NXPH1: variants seen among roughly 807,000 people sequenced by gnomAD.
NXPH1 encodes the protein neurexophilin 1, also known as neurexophilin-1.
In NXPH1, 5 loss-of-function variants were observed where a neutral mutation model predicts 23.7. The observed-to-expected ratio is 0.21, with a 90% CI of 0.11 to 0.44. The LOEUF (loss-of-function observed/expected upper bound fraction) is 0.44. NXPH1 is among the 20% of genes least tolerant of loss of function. The pLI is 0.99. For missense variants in NXPH1, 324 were observed against 321.6 expected (o/e 1.01, Z -0.06); for synonymous variants, 144 against 122.2 (o/e 1.18, Z -1.18).
At chr7:8,656,704 C>T (rs1326688814) in intron 2 of NXPH1, among the ~76,000 whole-genome samples, 16 of 151,674 alleles carry the variant, frequency 1.1e-4, no homozygotes, top group Non-Finnish European at 1.9e-4. Flanking sequence ...TCCCCCCACC[C>T]CACAACAGTC....
At chr7:8,716,516 A>G (rs575930112) in intron 2 of NXPH1, among the ~76,000 whole-genome samples, 24 of 152,350 alleles carry the variant, frequency 1.6e-4, no homozygotes, top group African/African-American at 4.1e-4. Context: ...AATTTATTGT[A>G]TCAGACAGCA....
At chr7:8,492,274 C>G (rs1347042117) in intron 2 of NXPH1, among the ~76,000 whole-genome samples, 2 of 152,092 alleles carry the variant, frequency 1.3e-5, no homozygotes, top group South Asian at 4.1e-4. Flanking sequence ...CTTGCCTTAT[C>G]CATGATGTCA....
intron 2 of NXPH1, among the ~76,000 whole-genome samples, chr7:8,521,638 T>TA (rs2128615742): frequency 6.6e-6 from 1 of 152,264 alleles, no homozygotes; most frequent in African/African-American, 2.4e-5. Flanking sequence ...GAGTGAGAAA[T>TA]ACACTTTTGA....
chr7:8,458,887 T>C (rs1371069652), intron 2 of NXPH1, among the ~76,000 whole-genome samples: 1 of 152,162 alleles, frequency 6.6e-6, no homozygotes, highest in Non-Finnish European at 1.5e-5. Context: ...CACAACTGTT[T>C]GAAAAGATCC....
intron 2 of NXPH1, among the ~76,000 whole-genome samples, chr7:8,465,412 C>A (rs1816770838): frequency 6.6e-6 from 1 of 152,152 alleles, no homozygotes; most frequent in East Asian, 1.9e-4. Context: ...TAAGGCCTCT[C>A]ACCCCTGAAA....
chr7:8,686,061 A>C (rs1003584794), intron 2 of NXPH1, among the ~76,000 whole-genome samples: 13 of 152,140 alleles, frequency 8.5e-5, no homozygotes, highest in African/African-American at 3.1e-4. Context: ...ATATACCCAC[A>C]AAAATTAATT....
At chr7:8,678,029 CAGTGAAAATGAAGAATAATTAGGATT>C (rs1425113679) in intron 2 of NXPH1, among the ~76,000 whole-genome samples, 4 of 151,800 alleles carry the variant, frequency 2.6e-5, no homozygotes, top group Non-Finnish European at 4.4e-5. Context: ...TGTATGTTTC[CAGTGAAAATGAAGAATAATTAGGATT>C]AGTTAAAGCT....
intron 2 of NXPH1, among the ~76,000 whole-genome samples, chr7:8,549,724 G>A (rs1263778943): frequency 6.6e-6 from 1 of 151,630 alleles, no homozygotes; most frequent in African/African-American, 2.4e-5. Context: ...TGCCATATAT[G>A]TGTAACTAAT....
intron 2 of NXPH1, among the ~76,000 whole-genome samples, chr7:8,682,689 C>T (rs1026144190): frequency 2.0e-5 from 3 of 152,158 alleles, no homozygotes; most frequent in South Asian, 2.1e-4. Flanking sequence ...ACCAACTAGA[C>T]TTTGGGCATG....
At chr7:8,572,014 C>T (rs1214117791) in intron 2 of NXPH1, among the ~76,000 whole-genome samples, 1 of 151,882 alleles carries the variant, frequency 6.6e-6, no homozygotes, top group African/African-American at 2.4e-5. Context: ...TGTGGAATCT[C>T]TAAATATGCA....
chr7:8,555,395 C>T (rs553073691), intron 2 of NXPH1, among the ~76,000 whole-genome samples: 14 of 151,690 alleles, frequency 9.2e-5, no homozygotes, highest in East Asian at 5.9e-4. Flanking sequence ...GCAGAAGATA[C>T]GAGTAGATTT....
chr7:8,586,821 A>G (rs933244536), intron 2 of NXPH1, among the ~76,000 whole-genome samples: 3 of 152,040 alleles, frequency 2.0e-5, no homozygotes, highest in African/African-American at 7.2e-5. Flanking sequence ...AATGTGGAGT[A>G]AGGTATTTCA....
Position 8,466,461 on chromosome 7 carries a change from T to C in NXPH1, c.54+30694T>C, listed in dbSNP as rs187314901. The stretch of plus-strand genomic sequence containing the variant: ...CTCTTTGCAATTTTAATTATGAATT[T>C]TTATGAACAGAAAAATGTAGACATT... On this transcript the variant is annotated intron_variant, in intron 2 of 2. Coordinates refer to ENST00000405863, the MANE Select transcript of NXPH1 (RefSeq NM_152745.3). 1.5e-4 allele frequency among the ~76,000 whole-genome samples: 23 copies of C among 152,322 alleles called. 1 individual carries two copies. The East Asian group carries it at 4.4e-3, about 29-fold the overall frequency.
chr7:8,714,329 T>G (rs1189742584), intron 2 of NXPH1, among the ~76,000 whole-genome samples: 1 of 151,860 alleles, frequency 6.6e-6, no homozygotes, highest in East Asian at 2.0e-4. Flanking sequence ...TGACTCACCC[T>G]TCAGGGAAGT....
chr7:8,701,565 G>A (rs1350242146), intron 2 of NXPH1, among the ~76,000 whole-genome samples: 1 of 152,004 alleles, frequency 6.6e-6, no homozygotes, highest in Non-Finnish European at 1.5e-5. Context: ...TAGCAAACTT[G>A]ATTTAAGTTT....
At chr7:8,548,878 T>C (rs916450862) in intron 2 of NXPH1, among the ~76,000 whole-genome samples, 2 of 151,546 alleles carry the variant, frequency 1.3e-5, no homozygotes, top group African/African-American at 4.8e-5. Context: ...CTAACTAGCT[T>C]CTTGACATCA....
chr7:8,534,251 C>A (rs957342750), intron 2 of NXPH1, among the ~76,000 whole-genome samples: 1 of 151,860 alleles, frequency 6.6e-6, no homozygotes, highest in African/African-American at 2.4e-5. Context: ...AAAATGAAGT[C>A]GGAGAAGGAA....
At chr7:8,471,299 G>T (rs746163954) in intron 2 of NXPH1, among the ~76,000 whole-genome samples, 1 of 152,144 alleles carries the variant, frequency 6.6e-6, no homozygotes, top group Non-Finnish European at 1.5e-5. Flanking sequence ...TTTATAAGTG[G>T]AATGAACCCT....
intron 2 of NXPH1, among the ~76,000 whole-genome samples, chr7:8,440,551 G>T (rs973412828): frequency 2.0e-5 from 3 of 152,080 alleles, no homozygotes; most frequent in Admixed American, 1.3e-4. Flanking sequence ...CTGGGAAATT[G>T]GTTGATTTTT....
Sources: gnomAD v4.1 joint callset for allele counts (sites outside exome capture counted in the v4.1 genomes callset) on GRCh38, gnomAD v4.1.1 for gene constraint, MANE v1.5 for transcripts, NCBI Gene and HGNC (gene_info 2026-07-23, HGNC 2026-07-21) for gene names.